The following CDH22 variants were observed in gnomAD, a reference collection of about 807,000 sequenced individuals.
CDH22 encodes cadherin 22.
CDH22 carries 30 observed loss-of-function variants against 58.4 expected under a neutral mutation model. That is an observed-to-expected ratio of 0.51 (90% CI 0.38 to 0.70). The LOEUF (loss-of-function observed/expected upper bound fraction) is 0.70, where lower values mean the gene tolerates loss of function less well. Ranked by LOEUF, CDH22 falls within the 30% of genes least tolerant of loss-of-function variation. The pLI is 0.00. For missense variants in CDH22, 1,014 were observed against 1,233.9 expected, an observed-to-expected ratio of 0.82 and a Z score of 2.67; for synonymous variants, 513 against 558.2, an observed-to-expected ratio of 0.92 and a Z score of 1.14.
At chr20:46,274,641 G>A (rs2086508554) in intron 1 of CDH22, among the ~76,000 whole-genome samples, 1 of 152,146 alleles carries the variant, frequency 6.6e-6, no homozygotes, top group Non-Finnish European at 1.5e-5. Flanking sequence ...GTTCATAGCA[G>A]CATGATTCAA....
chr20:46,181,752 C>CTTTCTTTCT (rs1555800218), intron 10 of CDH22, among the ~76,000 whole-genome samples: 334 of 26,264 alleles, frequency 0.013, 10 homozygotes, highest in East Asian at 0.077. Context: ...TCCTTCCTTC[C>CTTTCTTTCT]TTCTTTCTTT....
intron 7 of CDH22, among the ~76,000 whole-genome samples, chr20:46,203,459 G>A (rs899084498): frequency 6.6e-6 from 1 of 152,188 alleles, no homozygotes; most frequent in African/African-American, 2.4e-5. Flanking sequence ...GTTCCTGTGT[G>A]TGTGAGATTG....
chr20:46,210,798 C>G lies in CDH22; in HGVS notation c.1033-238G>C, dbSNP rs1231796075. ...TAAGGACACAGCCACTCCAGGCTAA[C>G]GCGCTGAGCACCCAAACTTCCTGCT... On this transcript the variant is annotated intron_variant, in intron 6 of 11. Coordinates refer to ENST00000537909, the MANE Select transcript of CDH22 (RefSeq NM_021248.3). The surrounding 1 kb of genome is among the most constrained non-coding windows in gnomAD (Gnocchi z 4.5). 6.6e-6 allele frequency among the ~76,000 whole-genome samples: 1 copy of G among 152,204 alleles called. No homozygotes were observed. Among genetic ancestry groups the G allele is most frequent in the Non-Finnish European group, 1.5e-5 (1 of 68,026 alleles).
chr20:46,206,328 G>A (rs1352061519), intron 7 of CDH22, among the ~76,000 whole-genome samples: 1 of 152,152 alleles, frequency 6.6e-6, no homozygotes, highest in East Asian at 1.9e-4. Flanking sequence ...CAGTTTCTTC[G>A]TCTGTCAAAT....
At chr20:46,276,088 T>C (rs891302468) in intron 1 of CDH22, among the ~76,000 whole-genome samples, 5 of 152,024 alleles carry the variant, frequency 3.3e-5, no homozygotes, top group Non-Finnish European at 7.4e-5. Flanking sequence ...AGAGGAGAGA[T>C]GCTGGTGAGG....
At chr20:46,218,454 G>A (rs112651958) in intron 4 of CDH22, among the ~76,000 whole-genome samples, 8,462 of 152,242 alleles carry the variant, frequency 0.056, 299 homozygotes, top group Non-Finnish European at 0.084. Flanking sequence ...CTGGACTCAC[G>A]TCCACACTCA....
rs539900766 is a variant in CDH22, at chr20:46,278,467, G to A, written c.-399-26774C>T. On this transcript the variant is annotated intron_variant, in intron 1 of 11. Transcript: ENST00000537909. ...TCTGCCACCCCAGCCACCAATGTCT[G>A]GATTAAGGAAAACTCAGGATGGGCC... is the stretch of plus-strand genomic sequence containing the variant. Among the ~76,000 whole-genome samples the A allele has an allele frequency of 2.6e-5, 4 of 152,324 alleles. No individual in the cohort carries two copies. The East Asian group carries it at 7.7e-4, about 29-fold the overall frequency.
intron 4 of CDH22, among the ~76,000 whole-genome samples, chr20:46,225,368 C>T: frequency 6.6e-6 from 1 of 152,220 alleles, no homozygotes; most frequent in South Asian, 2.1e-4. Context: ...ATCCATAACA[C>T]CCATTAAATA....
chr20:46,297,647 C>A (rs1004528348), intron 1 of CDH22, among the ~76,000 whole-genome samples: 1 of 122,598 alleles, frequency 8.2e-6, no homozygotes, highest in Non-Finnish European at 1.7e-5. Flanking sequence ...AAAGAGAGTG[C>A]GGGCTCAGTG....
intron 3 of CDH22, among the ~76,000 whole-genome samples, chr20:46,233,826 G>C (rs976448292): frequency 8.5e-5 from 13 of 152,246 alleles, no homozygotes; most frequent in African/African-American, 2.2e-4. Context: ...CGGGTGGTGA[G>C]AGCCAGTGCC....
At chr20:46,289,364 T>C (rs1170698334) in intron 1 of CDH22, among the ~76,000 whole-genome samples, 1 of 152,244 alleles carries the variant, frequency 6.6e-6, no homozygotes, top group Non-Finnish European at 1.5e-5. Context: ...ATATTATAAA[T>C]GGATGCCTCC....
intron 7 of CDH22, among the ~76,000 whole-genome samples, chr20:46,208,222 C>A (rs2083356906): frequency 6.6e-6 from 1 of 152,238 alleles, no homozygotes; most frequent in African/African-American, 2.4e-5. Flanking sequence ...AGCCCCTAAC[C>A]TCCTCCTCTG....
In CDH22 at chr20:46,181,380, G is replaced by A. The variant is rs547255116; in HGVS notation, c.1664-3183C>T. On this transcript the variant is annotated intron_variant, in intron 10 of 11. Transcript: ENST00000537909. ...AGCCTGAACAGTGAGTTTAGGGAGA[G>A]GGAACAGCGTATGCAAAGGTCCTGA... 9.9e-5 allele frequency among the ~76,000 whole-genome samples: 15 copies of A among 152,208 alleles called. No individual in the cohort carries two copies. The South Asian group carries it at 3.1e-3, about 32-fold the overall frequency.
intron 7 of CDH22, 129 bp from the exon 8 acceptor site, chr20:46,199,688 C>G: frequency 8.5e-7 from 1 of 1,179,052 alleles, no homozygotes; most frequent in Middle Eastern, 2.0e-4. Flanking sequence ...AGAGAAACCC[C>G]TTGCGACCGA....
intron 10 of CDH22, among the ~76,000 whole-genome samples, chr20:46,183,734 G>A (rs536404821): frequency 4.8e-4 from 70 of 146,868 alleles, no homozygotes; most frequent in Middle Eastern, 3.4e-3. Context: ...GGACTCCCAG[G>A]GGTACAGATG....
At chr20:46,257,892 CAG>C (rs1485370250) in intron 1 of CDH22, among the ~76,000 whole-genome samples, 1 of 152,032 alleles carries the variant, frequency 6.6e-6, no homozygotes, top group African/African-American at 2.4e-5. Flanking sequence ...AAGAGACTGA[CAG>C]AGAGAAGGGG....
intron 2 of CDH22, among the ~76,000 whole-genome samples, chr20:46,250,116 T>C (rs1271056471): frequency 1.3e-5 from 2 of 152,262 alleles, no homozygotes; most frequent in Non-Finnish European, 1.5e-5. Flanking sequence ...AATGGATGAA[T>C]AAAAGTCCTT....
intron 7 of CDH22, among the ~76,000 whole-genome samples, chr20:46,208,577 T>TA (rs2086017019): frequency 6.6e-6 from 1 of 152,024 alleles, no homozygotes. Context: ...TTTTATTTTT[T>TA]AGTTTATTTT....
intron 7 of CDH22, among the ~76,000 whole-genome samples, chr20:46,204,055 G>A (rs1459679538): frequency 2.0e-5 from 3 of 151,916 alleles, no homozygotes; most frequent in Non-Finnish European, 4.4e-5. Flanking sequence ...TGTGACCTTG[G>A]GCAAGTCACC....
Sources: gnomAD v4.1 joint callset for allele counts (sites outside exome capture counted in the v4.1 genomes callset) on GRCh38, gnomAD v4.1.1 for gene constraint, Gnocchi (gnomAD v3.1) non-coding constraint, MANE v1.5 for transcripts, NCBI Gene and HGNC (gene_info 2026-07-23, HGNC 2026-07-21) for gene names.